Variants in FOCAD observed in about 807,000 individuals in gnomAD.
FOCAD encodes the protein focadhesin, also known as KIAA1797.
FOCAD carries 198 observed loss-of-function variants against 225.6 expected under a neutral mutation model. That is an observed-to-expected ratio of 0.88 (90% CI 0.78 to 0.99). The LOEUF is 0.99. FOCAD is among the 50% of genes least tolerant of loss of function. FOCAD has a pLI of 0.00. For missense variants in FOCAD, 2,713 were observed against 2,123.6 expected (o/e 1.28, Z -5.46); for synonymous variants, 897 against 755.0 (o/e 1.19, Z -3.08).
At position 20,821,065 on chromosome 9, in the gene FOCAD, A is replaced by G. The variant is rs1824272474; in HGVS notation, c.1787A>G (p.Lys596Arg). ...GCAGCATCAATCAGAGATATATGTAAGCAGAGGTATGATGTCATTAACTCT... is the reference window on the plus strand; with the variant it reads ...GCAGCATCAATCAGAGATATATGTAGGCAGAGGTATGATGTCATTAACTCT... ...AKAASIRDIC[K>R]QRPYQHGADM... is the part of the protein sequence containing the mutation. Residue 596 changes from lysine (K) to arginine (R), a missense_variant, in exon 14 of 44, where the codon AAG (lysine) becomes AGG (arginine). Coordinates refer to ENST00000338382, the MANE Select transcript of FOCAD (RefSeq NM_001375567.1). 1 of 1,612,302 alleles carries G rather than the reference A, an allele frequency of 6.2e-7. No individual in the cohort carries two copies. Among genetic ancestry groups the G allele is most frequent in the African/African-American group, 1.3e-5 (1 of 74,930 alleles).
At chr9:20,807,224 G>A (rs1016166764) in intron 11 of FOCAD, among the ~76,000 whole-genome samples, 3 of 152,176 alleles carry the variant, frequency 2.0e-5, no homozygotes, top group East Asian at 1.9e-4. Context: ...TTCCAGGAGC[G>A]GTGCTAGACT....
chr9:20,973,090 CTT>C (rs1839905147), intron 35 of FOCAD, among the ~76,000 whole-genome samples: 1 of 149,426 alleles, frequency 6.7e-6, no homozygotes, highest in African/African-American at 2.5e-5. Context: ...CTTCTGCTGA[CTT>C]TGCCTTGTTC....
At chr9:20,889,461 T>A (rs1831418004) in intron 21 of FOCAD, among the ~76,000 whole-genome samples, 1 of 152,218 alleles carries the variant, frequency 6.6e-6, no homozygotes, top group South Asian at 2.1e-4. Flanking sequence ...TTTGAGTTAA[T>A]TTTTGTATAA....
intron 35 of FOCAD, among the ~76,000 whole-genome samples, chr9:20,962,411 C>CAT (rs1254391072): frequency 7.3e-6 from 1 of 137,280 alleles, no homozygotes; most frequent in Non-Finnish European, 1.6e-5. Flanking sequence ...TATATATATA[C>CAT]ACACACACAT....
intron 5 of FOCAD, among the ~76,000 whole-genome samples, chr9:20,753,123 C>T (rs1828720005): frequency 6.6e-6 from 1 of 152,160 alleles, no homozygotes; most frequent in African/African-American, 2.4e-5. Flanking sequence ...AATTTGACTT[C>T]CTCTTTTCCT....
At chr9:20,866,834 C>G (rs11789127) in intron 17 of FOCAD, 95 bp from the exon 18 acceptor site, 11 of 653,534 alleles carry the variant, frequency 1.7e-5, no homozygotes, top group Non-Finnish European at 2.6e-5. Flanking sequence ...GGGAAGGTTT[C>G]TTTCCCCCTC....
intron 8 of FOCAD, among the ~76,000 whole-genome samples, chr9:20,773,465 A>G (rs780243143): frequency 6.6e-6 from 1 of 152,186 alleles, no homozygotes; most frequent in African/African-American, 2.4e-5. Context: ...TTTATCATTT[A>G]TTTTGCACAT....
At chr9:20,865,165 C>G (rs1829116240) in intron 16 of FOCAD, among the ~76,000 whole-genome samples, 1 of 151,976 alleles carries the variant, frequency 6.6e-6, no homozygotes, top group Admixed American at 6.6e-5. Flanking sequence ...TTGATGAGCA[C>G]AGTTAATTAA....
chr9:20,705,679 T>C (rs151055120), intron 1 of FOCAD, among the ~76,000 whole-genome samples: 2 of 151,980 alleles, frequency 1.3e-5, no homozygotes, highest in East Asian at 1.9e-4. Flanking sequence ...GGGCAATATA[T>C]GTAATTGTTT....
rs765982695 is a variant in FOCAD, at chr9:20,781,919, A to G, written c.1187A>G (p.Asp396Gly). 6.2e-7 allele frequency: 1 copy of G among 1,613,744 alleles called. No homozygotes were observed. Among genetic ancestry groups the G allele is most frequent in the Non-Finnish European group, 8.5e-7 (1 of 1,179,714 alleles). ...EMIQQECYRD[D>G]HQKLSYKLVC... ...ATACAGCAGGAATGTTACAGAGATGACCACCAAAAGGTAATGAATCTATCC... is the reference window on the plus strand; with the variant it reads ...ATACAGCAGGAATGTTACAGAGATGGCCACCAAAAGGTAATGAATCTATCC... The change falls in exon 10 of 44, where the codon GAC becomes GGC. Residue 396 changes from aspartate to glycine, a missense_variant. Transcript: ENST00000338382.
At chr9:20,733,558 C>T (rs1347612383) in intron 4 of FOCAD, among the ~76,000 whole-genome samples, 2 of 152,060 alleles carry the variant, frequency 1.3e-5, no homozygotes, top group Non-Finnish European at 2.9e-5. Flanking sequence ...TTCCTGTGTC[C>T]ATGTGATCTC....
At chr9:20,957,616 AG>A (rs1587717523) in intron 35 of FOCAD, 1 of 147,042 alleles carries the variant, frequency 6.8e-6, no homozygotes, top group East Asian at 2.0e-4. Context: ...CTGGAATTAC[AG>A]GCAAGTGCCA....
intron 29 of FOCAD, among the ~76,000 whole-genome samples, 172 bp downstream of exon 29, chr9:20,944,946 C>A (rs1837037727): frequency 6.6e-6 from 1 of 152,184 alleles, no homozygotes; most frequent in Non-Finnish European, 1.5e-5. Context: ...TATTATGTGG[C>A]AGTTTAAATC....
intron 35 of FOCAD, among the ~76,000 whole-genome samples, chr9:20,968,264 G>T (rs1022556268): frequency 6.6e-6 from 1 of 151,680 alleles, no homozygotes; most frequent in Non-Finnish European, 1.5e-5. Context: ...GAATTCTCTT[G>T]TAATCCTTTT....
intron 23 of FOCAD, among the ~76,000 whole-genome samples, chr9:20,915,021 T>C (rs989787954): frequency 6.6e-6 from 1 of 152,202 alleles, no homozygotes; most frequent in Non-Finnish European, 1.5e-5. Context: ...AGATTTTAAC[T>C]CTAAACAAAA....
chr9:20,803,498 G>A (rs1176978454), intron 11 of FOCAD, among the ~76,000 whole-genome samples: 1 of 152,136 alleles, frequency 6.6e-6, no homozygotes, highest in African/African-American at 2.4e-5. Context: ...GGCTTATATG[G>A]CTAGAATTTG....
intron 11 of FOCAD, among the ~76,000 whole-genome samples, chr9:20,810,958 G>C (rs1822999856): frequency 6.6e-6 from 1 of 151,956 alleles, no homozygotes; most frequent in African/African-American, 2.4e-5. Flanking sequence ...TGATGTTTAT[G>C]TTTTTGGCAT....
In FOCAD at chr9:20,758,141, G is replaced by A. The variant is rs764105305; in HGVS notation, c.444G>A (p.Trp148Ter). ...ITVLEHRPDC[W>*]PVFLQQLTAF... ...TGCTTGAACACAGACCTGATTGCTG[G>A]CCAGTGTTTTTGCAGCAGCTGACAG... The change falls in exon 6 of 44, where the codon TGG becomes TGA. Residue 148 changes from tryptophan (W) to a stop codon, truncating the protein, a stop_gained. Coordinates refer to ENST00000338382, the MANE Select transcript of FOCAD (RefSeq NM_001375567.1). LOFTEE classifies it high-confidence loss of function. The A allele has an allele frequency of 6.2e-7, 1 of 1,612,530 alleles. No homozygotes were observed. The highest frequency in any genetic ancestry group is 2.2e-5 in the East Asian group (1 of 44,782).
chr9:20,706,131 C>T (rs1440688836), intron 1 of FOCAD, among the ~76,000 whole-genome samples: 1 of 151,670 alleles, frequency 6.6e-6, no homozygotes, highest in Non-Finnish European at 1.5e-5. Flanking sequence ...GATGGAGTCT[C>T]CTTATGTTGC....
Sources: gnomAD v4.1 joint callset for allele counts (sites outside exome capture counted in the v4.1 genomes callset) on GRCh38, gnomAD v4.1.1 for gene constraint, MANE v1.5 for transcripts, NCBI Gene and HGNC (gene_info 2026-07-23, HGNC 2026-07-21) for gene names.